CLEC1A: variants seen among roughly 807,000 people sequenced by gnomAD.
CLEC1A encodes the protein C-type lectin-like receptor-1.
A neutral mutation model predicts 28.7 loss-of-function variants in CLEC1A; 34 were observed. The ratio of observed to expected loss-of-function variants is 1.18; its 90% CI spans 0.90 to 1.57. The LOEUF (loss-of-function observed/expected upper bound fraction) is 1.57, where lower values mean the gene tolerates loss of function less well. Ranked by LOEUF, CLEC1A falls within the 40% of genes most tolerant of loss-of-function variation. The probability of loss-of-function intolerance (pLI) is 0.00; values close to 1 mark genes in which losing one functional copy is unlikely to be tolerated. For missense variants in CLEC1A, 385 were observed against 339.5 expected (o/e 1.13, Z -1.05); for synonymous variants, 116 against 121.0 (o/e 0.96, Z 0.27).
chr12:10,074,198 A>C (rs1337568722), intron 4 of CLEC1A, among the ~76,000 whole-genome samples: 1 of 152,150 alleles, frequency 6.6e-6, no homozygotes, highest in Non-Finnish European at 1.5e-5. Context: ...CTAAATATTT[A>C]TTATAATTAT....
rs556283253 is a variant in CLEC1A, at chr12:10,095,406, C to T, written c.115+3402G>A. Among the ~76,000 whole-genome samples, 4 of 152,156 alleles carry T rather than the reference C, an allele frequency of 2.6e-5. No individual in the cohort carries two copies. The East Asian group carries it at 7.7e-4, about 29-fold the overall frequency. On this transcript the variant is annotated intron_variant, in intron 1 of 5. Coordinates refer to ENST00000315330, the MANE Select transcript of CLEC1A (RefSeq NM_016511.4). ...TTTCATCCTCTCTCCTCTTACTGTA[C>T]TGTTAATGTGAAGTTCTCTCCCTGA...
intron 2 of CLEC1A, among the ~76,000 whole-genome samples, chr12:10,082,470 G>A (rs1347846174): frequency 6.6e-6 from 1 of 152,128 alleles, no homozygotes; most frequent in East Asian, 1.9e-4. Context: ...AAAATCCTGA[G>A]AACCAACCCC....
At chr12:10,093,780 A>G (rs948708340) in intron 1 of CLEC1A, among the ~76,000 whole-genome samples, 2 of 152,136 alleles carry the variant, frequency 1.3e-5, no homozygotes, top group Non-Finnish European at 2.9e-5. Flanking sequence ...GTGGCAATGT[A>G]CATAATATTT....
At chr12:10,089,317 G>C in intron 1 of CLEC1A, 95 bp from the exon 2 acceptor site, 1 of 962,338 alleles carries the variant, frequency 1.0e-6, no homozygotes, top group Non-Finnish European at 1.6e-6. Context: ...TTCTGCACAA[G>C]AACAAATTAG....
chr12:10,097,478 C>T (rs1277188275), intron 1 of CLEC1A, among the ~76,000 whole-genome samples: 3 of 152,128 alleles, frequency 2.0e-5, no homozygotes, highest in Non-Finnish European at 4.4e-5. Context: ...ATATATGTTG[C>T]CTAAGATAAC....
Position 10,070,484 on chromosome 12 carries a change from AC to A in CLEC1A, c.*848del, listed in dbSNP as rs1866102816. On this transcript the variant is annotated 3_prime_UTR_variant, in exon 6 of 6. Transcript: ENST00000315330. ...TCCATTGTAAAATCACACACACTTCACAGTATTTACATTTATTATTATTAAA... is the reference window on the plus strand; with the variant it reads ...TCCATTGTAAAATCACACACACTTCAAGTATTTACATTTATTATTATTAAA... 6.6e-6 allele frequency: 1 copy of A among 152,236 alleles called. No homozygotes were observed. Among genetic ancestry groups the A allele is most frequent in the South Asian group, 2.1e-4 (1 of 4,834 alleles). 9.4% of individuals were successfully genotyped at this position (152,236 alleles called of 1,614,324 possible).
intron 2 of CLEC1A, among the ~76,000 whole-genome samples, chr12:10,088,898 C>T (rs1374932091): frequency 6.6e-6 from 1 of 151,866 alleles, no homozygotes; most frequent in African/African-American, 2.4e-5. Flanking sequence ...ACAGACAAAA[C>T]CCTTCTTATC....
intron 2 of CLEC1A, among the ~76,000 whole-genome samples, chr12:10,083,859 T>G (rs1866421660): frequency 6.6e-6 from 1 of 152,102 alleles, no homozygotes; most frequent in South Asian, 2.1e-4. Context: ...CAATCACAAC[T>G]TCTGGAAATG....
At chr12:10,083,440 G>GA (rs1866411640) in intron 2 of CLEC1A, among the ~76,000 whole-genome samples, 1 of 152,188 alleles carries the variant, frequency 6.6e-6, no homozygotes, top group African/African-American at 2.4e-5. Flanking sequence ...AGAGAAAAGT[G>GA]AAAACCAACT....
chr12:10,080,341 A>G (rs1866341945), intron 3 of CLEC1A, among the ~76,000 whole-genome samples: 1 of 152,134 alleles, frequency 6.6e-6, no homozygotes, highest in African/African-American at 2.4e-5. Flanking sequence ...GGAAAAAGAA[A>G]AATTAGTAAA....
Position 10,071,121 on chromosome 12 carries a change from G to A in CLEC1A, c.*212C>T. Reference sequence around the variant, plus strand: ...TTATGGGTTTCTGAGGTTGGTTGGTGGCATGTAAATAAGACTTCTTGTGAC... The same window carrying A: ...TTATGGGTTTCTGAGGTTGGTTGGTAGCATGTAAATAAGACTTCTTGTGAC... On this transcript the variant is annotated 3_prime_UTR_variant, in exon 6 of 6. Coordinates refer to ENST00000315330, the MANE Select transcript of CLEC1A (RefSeq NM_016511.4). The A allele has an allele frequency of 2.5e-6, 1 of 404,488 alleles. No individual in the cohort carries two copies. Among genetic ancestry groups the A allele is most frequent in the South Asian group, 6.1e-5 (1 of 16,274 alleles). 25.1% of individuals were successfully genotyped at this position (404,488 alleles called of 1,614,324 possible).
intron 2 of CLEC1A, among the ~76,000 whole-genome samples, chr12:10,082,233 G>C (rs1373657556): frequency 1.3e-5 from 2 of 152,194 alleles, no homozygotes; most frequent in African/African-American, 4.8e-5. Context: ...AAGGTGGGGA[G>C]CGGCGTGGCC....
At chr12:10,090,093 T>C (rs1337983892) in intron 1 of CLEC1A, among the ~76,000 whole-genome samples, 1 of 152,066 alleles carries the variant, frequency 6.6e-6, no homozygotes, top group Non-Finnish European at 1.5e-5. Context: ...TCTAGCACTG[T>C]GATAAAAATG....
intron 1 of CLEC1A, among the ~76,000 whole-genome samples, chr12:10,090,123 C>A (rs1866582513): frequency 6.6e-6 from 1 of 152,180 alleles, no homozygotes; most frequent in Admixed American, 6.5e-5. Flanking sequence ...GAGAGTGAAA[C>A]CCTCAAACAA....
chr12:10,098,970 G>A lies in CLEC1A; in HGVS notation c.-48C>T, dbSNP rs1318322210. 3 of 1,400,932 alleles carry A rather than the reference G, an allele frequency of 2.1e-6. No individual in the cohort carries two copies. Among genetic ancestry groups the A allele is most frequent in the East Asian group, 4.8e-5 (2 of 41,832 alleles). 86.8% of individuals were successfully genotyped at this position (1,400,932 alleles called of 1,614,324 possible). The stretch of plus-strand genomic sequence containing the variant: ...GTGAAATGTGGTCGGATTGCCCTGG[G>A]CCGCCGGGCTACTGTGAGCTAGTTC... On this transcript the variant is annotated 5_prime_UTR_variant, in exon 1 of 6. Coordinates refer to ENST00000315330, the MANE Select transcript of CLEC1A (RefSeq NM_016511.4).
intron 3 of CLEC1A, among the ~76,000 whole-genome samples, chr12:10,077,881 C>A (rs1866287551): frequency 1.3e-5 from 2 of 152,084 alleles, no homozygotes; most frequent in Admixed American, 6.6e-5. Context: ...TCTAACTCCC[C>A]AAACAGCATT....
intron 4 of CLEC1A, 69 bp from the exon 5 acceptor site, chr12:10,073,480 G>T: frequency 8.9e-7 from 1 of 1,120,256 alleles, no homozygotes; most frequent in Non-Finnish European, 1.3e-6. Context: ...GACATGCATG[G>T]GCCAGCCAGC....
chr12:10,089,327 G>A (rs1856955253), intron 1 of CLEC1A, 105 bp from the exon 2 acceptor site: 1 of 881,494 alleles, frequency 1.1e-6, no homozygotes, highest in Non-Finnish European at 1.8e-6. Flanking sequence ...GAACAAATTA[G>A]GCTGGACAAC....
At chr12:10,078,277 C>A (rs1210468367) in intron 3 of CLEC1A, among the ~76,000 whole-genome samples, 2 of 152,214 alleles carry the variant, frequency 1.3e-5, no homozygotes, top group Non-Finnish European at 2.9e-5. Context: ...CACAAAGGCA[C>A]CTAATGCTGT....
Sources: allele counts gnomAD v4.1 joint callset (sites outside exome capture counted in the v4.1 genomes callset), GRCh38; gene constraint gnomAD v4.1.1; transcripts MANE v1.5; gene names NCBI Gene and HGNC (gene_info 2026-07-23, HGNC 2026-07-21).